KIAA1191: variants seen among roughly 807,000 people sequenced by gnomAD.
The protein encoded by KIAA1191 is KIAA1191.
In KIAA1191, 22 loss-of-function variants were observed where a neutral mutation model predicts 31.1. That is an observed-to-expected ratio of 0.71 (90% confidence interval 0.51 to 1.01). The LOEUF (loss-of-function observed/expected upper bound fraction) is 1.01, where lower values mean the gene tolerates loss of function less well. Ranked by LOEUF, KIAA1191 falls within the 50% of genes least tolerant of loss-of-function variation. KIAA1191 has a pLI of 0.00. For missense variants in KIAA1191, 319 were observed against 388.0 expected (o/e 0.82, Z 1.49); for synonymous variants, 130 against 143.9 (o/e 0.90, Z 0.69).
intron 3 of KIAA1191, among the ~76,000 whole-genome samples, chr5:176,358,571 C>A (rs539029968): frequency 1.3e-5 from 2 of 151,982 alleles, no homozygotes; most frequent in South Asian, 2.1e-4. Context: ...CAAAAATTAG[C>A]CGGGCGTGGT....
At chr5:176,350,245 T>G (rs182125574) in intron 6 of KIAA1191, among the ~76,000 whole-genome samples, 1 of 152,354 alleles carries the variant, frequency 6.6e-6, no homozygotes, top group African/African-American at 2.4e-5. Context: ...AATTCTTCAC[T>G]TATAGAAATG....
chr5:176,355,688 T>C lies in KIAA1191; in HGVS notation c.90A>G (p.Ala30=), dbSNP rs768054114. The C allele has an allele frequency of 6.2e-7, 1 of 1,613,698 alleles. No individual in the cohort carries two copies. The highest frequency in any genetic ancestry group is 8.5e-7 in the Non-Finnish European group (1 of 1,180,038). The change falls in exon 4 of 9, where the codon GCA becomes GCG. Residue 30 remains alanine (A), a synonymous_variant. Coordinates refer to ENST00000298569, the MANE Select transcript of KIAA1191 (RefSeq NM_020444.5). This position sits in a 1 kb window ranked among gnomAD's most constrained non-coding sequence, Gnocchi z 4.2. ...CCTCGAGGGTATCATCATAGCTGACTGCCCGGCGGTATATCCCGATGGGCA... is the reference window on the plus strand; with the variant it reads ...CCTCGAGGGTATCATCATAGCTGACCGCCCGGCGGTATATCCCGATGGGCA... ...MSLPIGIYRR[A]VSYDDTLEDP...
intron 3 of KIAA1191, among the ~76,000 whole-genome samples, chr5:176,358,855 C>G (rs574140476): frequency 2.0e-5 from 3 of 152,040 alleles, no homozygotes; most frequent in Non-Finnish European, 2.9e-5. Flanking sequence ...GAGGCCGAGG[C>G]GGGCGGATCA....
chr5:176,355,431 C>A lies in KIAA1191; in HGVS notation c.207+140G>T. The A allele has an allele frequency of 2.9e-6, 2 of 679,314 alleles. No homozygotes were observed. Among genetic ancestry groups the A allele is most frequent in the South Asian group, 4.6e-5 (2 of 43,500 alleles). 42.1% of individuals were successfully genotyped at this position (679,314 alleles called of 1,614,324 possible). On this transcript the variant is annotated intron_variant, in intron 4 of 8. Transcript: ENST00000298569. The surrounding 1 kb of genome is among the most constrained non-coding windows in gnomAD (Gnocchi z 4.2). ...AATCTTAAAAAAAAAAAAAAGACAG[C>A]TATAACTGAGGCACAGAAAACACAT...
chr5:176,357,237 G>T (rs897929628), intron 3 of KIAA1191: 1 of 152,022 alleles, frequency 6.6e-6, no homozygotes, highest in East Asian at 1.9e-4. Flanking sequence ...GGAGGCGGAG[G>T]TTGCAGAGAG....
rs142174283 is a variant in KIAA1191, at chr5:176,355,696, G to A, written c.82C>T (p.Arg28Cys). The change falls in exon 4 of 9, where the codon CGC (arginine) becomes TGC (cysteine). Residue 28 changes from arginine (R) to cysteine (C), a missense_variant. Transcript: ENST00000298569. The surrounding 1 kb of genome is among the most constrained non-coding windows in gnomAD (Gnocchi z 4.2). ...GTATCATCATAGCTGACTGCCCGGC[G>A]GTATATCCCGATGGGCAGGGACATC... is the stretch of plus-strand genomic sequence containing the variant. ...GKMSLPIGIY[R>C]RAVSYDDTLE... 2.7e-5 allele frequency: 43 copies of A among 1,613,618 alleles called. No homozygotes were observed. Among genetic ancestry groups the A allele is most frequent in the Non-Finnish European group, 2.7e-5 (32 of 1,180,038 alleles).
At chr5:176,360,987 T>C (rs1767952681) in intron 1 of KIAA1191, among the ~76,000 whole-genome samples, 1 of 152,060 alleles carries the variant, frequency 6.6e-6, no homozygotes, top group Middle Eastern at 3.4e-3. Flanking sequence ...ACTCTTGTTT[T>C]TCAGCTTGCT....
chr5:176,360,829 AT>A lies in KIAA1191; in HGVS notation c.-168+772del, dbSNP rs201324811. 9.6e-3 allele frequency among the ~76,000 whole-genome samples: 1,459 copies of A among 152,176 alleles called. 12 individuals are homozygous for A. The highest frequency in any genetic ancestry group is 0.017 in the Middle Eastern group (5 of 294). On this transcript the variant is annotated intron_variant, in intron 1 of 8. Transcript: ENST00000298569. ...AATAAAAATTAAAAAAATTAAAAAAATGTTAAAAATAATAATAAAGAGAAGG... is the reference window on the plus strand; with the variant it reads ...AATAAAAATTAAAAAAATTAAAAAAAGTTAAAAATAATAATAAAGAGAAGG...
intron 5 of KIAA1191, 122 bp from the exon 6 acceptor site, chr5:176,350,859 A>G: frequency 8.1e-7 from 1 of 1,240,288 alleles, no homozygotes; most frequent in Non-Finnish European, 1.1e-6. Context: ...TTCAAAGAAG[A>G]GGAGACTTTC....
At position 176,347,733 on chromosome 5, in the gene KIAA1191, C is replaced by T. The variant is rs370474215; in HGVS notation, c.785G>A (p.Arg262Gln). The T allele has an allele frequency of 9.6e-5, 154 of 1,609,938 alleles. No individual in the cohort carries two copies. The highest frequency in any genetic ancestry group is 3.6e-5 in the Non-Finnish European group (43 of 1,178,362). Reference protein sequence around the residue: ...PLELIRAQANRMAEDPAALKP... With the variant: ...PLELIRAQANQMAEDPAALKP... Reference sequence around the variant, plus strand: ...CAAGGCTGCTGGATCTTCAGCCATTCGGTTGGCCTGGGCACGTATCAGTTC... The same window carrying T: ...CAAGGCTGCTGGATCTTCAGCCATTTGGTTGGCCTGGGCACGTATCAGTTC... The change falls in exon 9 of 9, where the codon CGA becomes CAA. Residue 262 changes from arginine (R) to glutamine (Q), a missense_variant. Physicochemically the swap from Arg to Gln is conservative, Grantham distance 43. Transcript: ENST00000298569.
chr5:176,350,203 T>C (rs1448938749), intron 6 of KIAA1191, among the ~76,000 whole-genome samples: 2 of 152,232 alleles, frequency 1.3e-5, no homozygotes, highest in Non-Finnish European at 2.9e-5. Flanking sequence ...TTCATTCAAA[T>C]ACTTGGCTAT....
Position 176,355,916 on chromosome 5 carries a change from C to G in KIAA1191, c.29-167G>C, listed in dbSNP as rs372645206. 2.1e-5 allele frequency: 14 copies of G among 680,118 alleles called. 1 individual carries two copies. The highest frequency in any genetic ancestry group is 1.6e-4 in the African/African-American group (9 of 55,266). The allele number at this position is 680,118 out of a possible 1,614,324, so 42.1% of individuals were successfully genotyped here. A position where few individuals can be genotyped will look rare whatever the true frequency, so the allele number is the denominator to read the frequency against. ...TCCAGGAAAGGCAGTGGTACCAATC[C>G]CTTCCTCTATGCCTGACACCTTGGG... On this transcript the variant is annotated intron_variant, in intron 3 of 8. Transcript: ENST00000298569. This position sits in a 1 kb window ranked among gnomAD's most constrained non-coding sequence, Gnocchi z 4.2.
chr5:176,350,819 C>A, intron 5 of KIAA1191, 82 bp from the exon 6 acceptor site: 1 of 1,539,906 alleles, frequency 6.5e-7, no homozygotes, highest in South Asian at 1.2e-5. Flanking sequence ...ATCTACTATT[C>A]TCCCCAGAAG....
chr5:176,349,385 A>C (rs1291915597), intron 6 of KIAA1191, among the ~76,000 whole-genome samples: 3 of 152,216 alleles, frequency 2.0e-5, no homozygotes, highest in Non-Finnish European at 4.4e-5. Context: ...TGCTCATTAC[A>C]AAATGCAAAC....
At chr5:176,352,338 T>C (rs1000669857) in intron 5 of KIAA1191, among the ~76,000 whole-genome samples, 1 of 152,072 alleles carries the variant, frequency 6.6e-6, no homozygotes, top group African/African-American at 2.4e-5. Flanking sequence ...GCAGTCTCTG[T>C]AGTTAAGTAG....
rs143762037 is a variant in KIAA1191, at chr5:176,359,501, G to A, written c.8C>T (p.Ser3Leu). The A allele has an allele frequency of 1.2e-6, 2 of 1,613,444 alleles. No individual in the cohort carries two copies. Among genetic ancestry groups the A allele is most frequent in the East Asian group, 2.2e-5 (1 of 44,864 alleles). Residue 3 changes from serine to leucine, a missense_variant, in exon 3 of 9, where the codon TCA becomes TTA. Physicochemically the swap from Ser to Leu is moderately radical, Grantham distance 145. Transcript: ENST00000298569. MASRQPEVPALEA... is the reference protein window; with the variant it reads MALRQPEVPALEA... ...TTTACCAGGCACTTCTGGTTGTCTT[G>A]AAGCCATTGAAAGACTGGGATCCAG... is the stretch of plus-strand genomic sequence containing the variant.
intron 7 of KIAA1191, 48 bp from the exon 8 acceptor site, chr5:176,348,111 C>T (rs778774255): frequency 1.2e-6 from 2 of 1,608,226 alleles, no homozygotes; most frequent in Admixed American, 3.4e-5. Context: ...CTTCCTTCGC[C>T]CCTAGAAATG....
In KIAA1191 at chr5:176,360,446, G is replaced by A. The variant is rs187099746; in HGVS notation, c.-167-528C>T. 1.3e-3 allele frequency among the ~76,000 whole-genome samples: 194 copies of A among 151,176 alleles called. 1 individual carries two copies. Among genetic ancestry groups the A allele is most frequent in the African/African-American group, 4.6e-3 (188 of 41,314 alleles). ...GCTAGGATTACAAGCGTGAGCCACC[G>A]CGCCCGACCCCAGTTTTTTTTTTAA... On this transcript the variant is annotated intron_variant, in intron 1 of 8. Transcript: ENST00000298569.
intron 3 of KIAA1191, among the ~76,000 whole-genome samples, chr5:176,356,660 C>T (rs1040808676): frequency 6.6e-6 from 1 of 152,196 alleles, no homozygotes; most frequent in African/African-American, 2.4e-5. Context: ...CAAGGGCACT[C>T]TCAGCTGTGC....
Sources: gnomAD v4.1 joint callset for allele counts (sites outside exome capture counted in the v4.1 genomes callset) on GRCh38, gnomAD v4.1.1 for gene constraint, Gnocchi (gnomAD v3.1) non-coding constraint, MANE v1.5 for transcripts, NCBI Gene and HGNC (gene_info 2026-07-23, HGNC 2026-07-21) for gene names.